WDFY4: variants seen among roughly 807,000 people sequenced by gnomAD.
WDFY4 encodes WD repeat- and FYVE domain-containing protein 4.
Under a neutral mutation model 351.9 loss-of-function variants are expected in WDFY4, and 169 were observed. The ratio of observed to expected loss-of-function variants is 0.48; its 90% CI spans 0.42 to 0.55. The LOEUF is 0.55. WDFY4 is among the 20% of genes least tolerant of loss of function. The pLI, the probability that WDFY4 is intolerant of heterozygous loss-of-function variation, is 0.00. For synonymous variants in WDFY4, 1,622 were observed against 1,574.6 expected (o/e 1.03, Z -0.71); for missense variants, 3,803 against 3,935.6 (o/e 0.97, Z 0.90).
At position 48,943,586 on chromosome 10, in the gene WDFY4, A is replaced by T. The variant is rs1840894810; in HGVS notation, c.7749+137A>T. The T allele has an allele frequency of 5.5e-6, 5 of 902,546 alleles. No homozygotes were observed. In the African/African-American group the frequency reaches 8.6e-5, roughly 16 times the overall value. The allele number at this position is 902,546 out of a possible 1,614,324, so 55.9% of individuals were successfully genotyped here. ...GGGTACCTGGGCCTAAAGGCTGCTG[A>T]AGCTCAGATCTCTTTTTTTTTTTTG... is the stretch of plus-strand genomic sequence containing the variant. On this transcript the variant is annotated intron_variant, in intron 49 of 61. Transcript: ENST00000325239.
At chr10:48,689,769 G>T (rs2063148483) in intron 1 of WDFY4, among the ~76,000 whole-genome samples, 1 of 152,168 alleles carries the variant, frequency 6.6e-6, no homozygotes, top group African/African-American at 2.4e-5. Context: ...ATAATTCCAA[G>T]GAGAAAGAAA....
At chr10:48,740,324 C>T (rs1429975058) in intron 11 of WDFY4, among the ~76,000 whole-genome samples, 3 of 152,208 alleles carry the variant, frequency 2.0e-5, no homozygotes, top group African/African-American at 7.2e-5. Context: ...AAAACCACCA[C>T]ACACACGTCA....
At chr10:48,970,383 T>C in intron 57 of WDFY4, 94 bp downstream of exon 57, 1 of 1,476,188 alleles carries the variant, frequency 6.8e-7, no homozygotes. Context: ...TGGGCAGGTG[T>C]GGTGCCGGAA....
intron 1 of WDFY4, among the ~76,000 whole-genome samples, chr10:48,687,768 C>T (rs184469607): frequency 6.9e-4 from 103 of 149,008 alleles, no homozygotes; most frequent in Middle Eastern, 3.5e-3. Context: ...GTACATGCCA[C>T]CACACCTGGC....
At position 48,729,409 on chromosome 10, in the gene WDFY4, GCTGGCCTCAT is replaced by G; in HGVS notation, c.972-19_972-10del. ...CTGCTCCATCTAGGAAGTACAGGGAGCTGGCCTCATCTGTTCCCCCAGGTATGATGGGCTG... is the reference window on the plus strand; with the variant it reads ...CTGCTCCATCTAGGAAGTACAGGGAGCTGTTCCCCCAGGTATGATGGGCTG... On this transcript the variant is annotated splice_polypyrimidine_tract_variant and intron_variant, in intron 7 of 61. Transcript: ENST00000325239. 1 of 1,549,760 alleles carries G rather than the reference GCTGGCCTCAT, an allele frequency of 6.5e-7. No homozygotes were observed. The highest frequency in any genetic ancestry group is 8.7e-7 in the Non-Finnish European group (1 of 1,146,782).
intron 39 of WDFY4, among the ~76,000 whole-genome samples, chr10:48,837,328 G>T (rs1299101954): frequency 4.6e-5 from 7 of 152,066 alleles, no homozygotes; most frequent in African/African-American, 1.7e-4. Flanking sequence ...AGGGGCCAAG[G>T]CAGTGGGTAA....
chr10:48,786,215 A>T (rs1361083462), intron 19 of WDFY4, among the ~76,000 whole-genome samples: 1 of 152,182 alleles, frequency 6.6e-6, no homozygotes, highest in Non-Finnish European at 1.5e-5. Context: ...GAATTCACTT[A>T]TTCTAGGATA....
chr10:48,716,252 C>A (rs933977221), intron 2 of WDFY4, among the ~76,000 whole-genome samples: 20 of 152,136 alleles, frequency 1.3e-4, no homozygotes, highest in African/African-American at 4.6e-4. Context: ...TTTGTTCGTG[C>A]TGGAATACCA....
In WDFY4 at chr10:48,859,646, G is replaced by A. The variant is rs142655125; in HGVS notation, c.6664-7619G>A. Among the ~76,000 whole-genome samples the A allele has an allele frequency of 3.3e-3, 506 of 152,132 alleles. 2 individuals carry two copies. The highest frequency in any genetic ancestry group is 0.011 in the African/African-American group (458 of 41,524). ...AATATAAGAAATTTTGCAGCTATTCGTGAACAAATAGTTTTCTCTTTTTTC... is the reference window on the plus strand; with the variant it reads ...AATATAAGAAATTTTGCAGCTATTCATGAACAAATAGTTTTCTCTTTTTTC... On this transcript the variant is annotated intron_variant, in intron 39 of 61. Transcript: ENST00000325239.
intron 37 of WDFY4, among the ~76,000 whole-genome samples, chr10:48,829,723 G>A (rs755668183): frequency 2.0e-5 from 3 of 152,128 alleles, no homozygotes; most frequent in Non-Finnish European, 4.4e-5. Context: ...ATAGTGGCGG[G>A]CACCTGTAAT....
intron 23 of WDFY4, among the ~76,000 whole-genome samples, chr10:48,795,524 C>T (rs2940705): frequency 0.2 from 10,265 of 50,448 alleles, 1,198 homozygotes; most frequent in East Asian, 0.54. Context: ...TATATATATA[C>T]ATATATATAT....
chr10:48,900,392 A>G (rs1837295470), intron 46 of WDFY4, 86 bp downstream of exon 46: 1 of 1,307,064 alleles, frequency 7.7e-7, no homozygotes, highest in Non-Finnish European at 1.1e-6. Context: ...TGTGCTCAGG[A>G]AAAGTGTTCT....
intron 39 of WDFY4, among the ~76,000 whole-genome samples, chr10:48,853,253 T>C (rs927239969): frequency 6.6e-6 from 1 of 152,174 alleles, no homozygotes; most frequent in Non-Finnish European, 1.5e-5. Context: ...CAAGTCCACA[T>C]GGCTGTGGAC....
chr10:48,837,051 G>A (rs190149874), intron 39 of WDFY4, among the ~76,000 whole-genome samples: 2 of 152,166 alleles, frequency 1.3e-5, no homozygotes. Context: ...GAAAACAGGT[G>A]AAGGGTAGAT....
chr10:48,857,924 T>C (rs1052079583), intron 39 of WDFY4, among the ~76,000 whole-genome samples: 6 of 152,140 alleles, frequency 3.9e-5, no homozygotes, highest in African/African-American at 7.2e-5. Context: ...CCCGAGTAGC[T>C]GGGATTACTG....
intron 39 of WDFY4, among the ~76,000 whole-genome samples, chr10:48,858,127 T>G (rs1055276183): frequency 6.6e-6 from 1 of 152,206 alleles, no homozygotes; most frequent in African/African-American, 2.4e-5. Flanking sequence ...TTCATATATT[T>G]TAGATGTTAA....
At chr10:48,769,244 A>G (rs1396714080) in intron 13 of WDFY4, among the ~76,000 whole-genome samples, 1 of 152,192 alleles carries the variant, frequency 6.6e-6, no homozygotes, top group Admixed American at 6.5e-5. Flanking sequence ...CCACGATCAT[A>G]AACTCCCAAG....
intron 31 of WDFY4, among the ~76,000 whole-genome samples, chr10:48,814,982 A>G (rs2067573332): frequency 6.6e-6 from 1 of 152,204 alleles, no homozygotes; most frequent in African/African-American, 2.4e-5. Context: ...TTGTATTTGT[A>G]ATGGAAATTG....
At chr10:48,932,616 G>T (rs1219539534) in intron 47 of WDFY4, 1 of 150,652 alleles carries the variant, frequency 6.6e-6, no homozygotes, top group South Asian at 2.1e-4. Flanking sequence ...TGTGTTTCTC[G>T]TGAAGCTACC....
Sources: gnomAD v4.1 joint callset for allele counts (sites outside exome capture counted in the v4.1 genomes callset) on GRCh38, gnomAD v4.1.1 for gene constraint, MANE v1.5 for transcripts, NCBI Gene and HGNC (gene_info 2026-07-23, HGNC 2026-07-21) for gene names.